The following CLVS1 variants were observed in gnomAD, a reference collection of about 807,000 sequenced individuals.
The protein encoded by CLVS1 is clavesin-1.
Under a neutral mutation model 33.1 loss-of-function variants are expected in CLVS1, and 10 were observed. The observed-to-expected ratio is 0.30, with a 90% CI of 0.19 to 0.51. CLVS1 has a LOEUF of 0.51. CLVS1 is among the 20% of genes least tolerant of loss of function. CLVS1 has a pLI of 0.97. For missense variants in CLVS1, 343 were observed against 433.4 expected, an observed-to-expected ratio of 0.79 and a Z score of 1.85; for synonymous variants, 163 against 166.1, an observed-to-expected ratio of 0.98 and a Z score of 0.14.
chr8:61,335,810 A>T (rs759837291), intron 2 of CLVS1, among the ~76,000 whole-genome samples: 2 of 152,226 alleles, frequency 1.3e-5, no homozygotes, highest in African/African-American at 4.8e-5. Context: ...AGAGTATAAA[A>T]GCTAGGGGAG....
chr8:61,215,584 C>G (rs1808065707), intron 2 of CLVS1, among the ~76,000 whole-genome samples: 1 of 151,910 alleles, frequency 6.6e-6, no homozygotes, highest in African/African-American at 2.4e-5. Flanking sequence ...TTTCATCAAT[C>G]TATAAACAGG....
chr8:61,319,394 C>G (rs1811118945), intron 2 of CLVS1, among the ~76,000 whole-genome samples: 1 of 152,152 alleles, frequency 6.6e-6, no homozygotes, highest in African/African-American at 2.4e-5. Context: ...CCCCATGGAC[C>G]TAGATGAAAG....
At chr8:61,080,838 G>A (rs1805006699) in intron 1 of CLVS1, among the ~76,000 whole-genome samples, 1 of 152,194 alleles carries the variant, frequency 6.6e-6, no homozygotes, top group Non-Finnish European at 1.5e-5. Context: ...GTTCACAAAG[G>A]AGAGAGGAAG....
intron 3 of CLVS1, among the ~76,000 whole-genome samples, chr8:61,384,819 C>T (rs181205678): frequency 5.9e-5 from 9 of 152,092 alleles, no homozygotes; most frequent in African/African-American, 1.9e-4. Flanking sequence ...GAGAAAAGAA[C>T]CCAAGTGAAG....
At chr8:61,335,073 T>TG (rs1473932831) in intron 2 of CLVS1, among the ~76,000 whole-genome samples, 1 of 152,042 alleles carries the variant, frequency 6.6e-6, no homozygotes, top group Non-Finnish European at 1.5e-5. Context: ...GTTCCTGGGT[T>TG]GGGGGCCAAG....
chr8:61,400,819 A>T (rs1369690083), intron 3 of CLVS1, among the ~76,000 whole-genome samples: 1 of 152,118 alleles, frequency 6.6e-6, no homozygotes, highest in African/African-American at 2.4e-5. Flanking sequence ...AGTTCTGTTT[A>T]TGTGATGAAT....
intron 1 of CLVS1, among the ~76,000 whole-genome samples, chr8:61,288,498 C>A (rs1809858560): frequency 6.6e-6 from 1 of 152,082 alleles, no homozygotes; most frequent in Non-Finnish European, 1.5e-5. Flanking sequence ...AGTTGACAGG[C>A]ATAGGAAGGA....
At chr8:61,338,162 C>A (rs549308517) in intron 2 of CLVS1, among the ~76,000 whole-genome samples, 11 of 152,216 alleles carry the variant, frequency 7.2e-5, no homozygotes, top group South Asian at 6.2e-4. Flanking sequence ...TATTTTGTGT[C>A]CCTACAATGC....
intron 2 of CLVS1, among the ~76,000 whole-genome samples, chr8:61,144,619 G>A (rs1358205747): frequency 6.6e-6 from 1 of 152,066 alleles, no homozygotes; most frequent in Non-Finnish European, 1.5e-5. Context: ...CTAGATCCTT[G>A]AGGAATCGCC....
chr8:61,407,667 A>G (rs1815042546), intron 3 of CLVS1, among the ~76,000 whole-genome samples: 1 of 152,256 alleles, frequency 6.6e-6, no homozygotes, highest in Non-Finnish European at 1.5e-5. Flanking sequence ...ATGTTCAATA[A>G]ATAAGTAATT....
In CLVS1 at chr8:61,372,837, T is replaced by C. The variant is rs541132883; in HGVS notation, c.456-3768T>C. ...ATGATTACTCTTGGGTTATATTTAT[T>C]TGGGAGGAAGATCATAGAGGTCAAG... On this transcript the variant is annotated intron_variant, in intron 2 of 5. Transcript: ENST00000325897. Among the ~76,000 whole-genome samples the C allele has an allele frequency of 3.3e-5, 5 of 152,332 alleles. No individual in the cohort carries two copies. In the South Asian group the frequency reaches 1.0e-3, roughly 32 times the overall value.
chr8:61,282,963 G>T (rs1361604305), upstream of CLVS1, among the ~76,000 whole-genome samples: 3 of 152,180 alleles, frequency 2.0e-5, no homozygotes, highest in Non-Finnish European at 4.4e-5. Flanking sequence ...GTGCAGCAAT[G>T]AGTGATCAAA....
At chr8:61,265,814 C>T (rs2129592435) in intron 2 of CLVS1, among the ~76,000 whole-genome samples, 1 of 152,314 alleles carries the variant, frequency 6.6e-6, no homozygotes, top group East Asian at 1.9e-4. Flanking sequence ...TCTTTCCCAT[C>T]TTATGGCTTC....
chr8:61,394,004 T>A (rs191307452), intron 3 of CLVS1, among the ~76,000 whole-genome samples: 1 of 152,304 alleles, frequency 6.6e-6, no homozygotes, highest in East Asian at 1.9e-4. Flanking sequence ...CCTGTAGTAT[T>A]GCCAATCACC....
At chr8:61,212,740 C>G (rs575115164) in intron 2 of CLVS1, among the ~76,000 whole-genome samples, 2 of 152,250 alleles carry the variant, frequency 1.3e-5, no homozygotes, top group Admixed American at 6.5e-5. Flanking sequence ...CTAGGGAAGA[C>G]AGAAGATGGG....
chr8:60,984,251 T>C, the CLVS1 span, among the ~76,000 whole-genome samples: 1 of 152,218 alleles, frequency 6.6e-6, no homozygotes. Context: ...CCTATTGTCT[T>C]TAACTGCTTG....
At chr8:61,430,388 A>C (rs1242370831) in intron 3 of CLVS1, among the ~76,000 whole-genome samples, 1 of 152,200 alleles carries the variant, frequency 6.6e-6, no homozygotes, top group Non-Finnish European at 1.5e-5. Flanking sequence ...AGCATGGAGG[A>C]CAATGGAGCA....
intron 2 of CLVS1, among the ~76,000 whole-genome samples, chr8:61,312,115 C>A (rs1810851322): frequency 3.3e-5 from 5 of 152,146 alleles, no homozygotes; most frequent in Admixed American, 3.3e-4. Flanking sequence ...GCCAGGAAAG[C>A]AAGTTTTGTC....
intron 5 of CLVS1, among the ~76,000 whole-genome samples, chr8:61,497,853 G>T (rs117587541): frequency 3.9e-5 from 6 of 152,108 alleles, no homozygotes; most frequent in Non-Finnish European, 8.8e-5. Flanking sequence ...TCATGCCTCC[G>T]CTTTTTAGAC....
Sources: allele counts gnomAD v4.1 joint callset (sites outside exome capture counted in the v4.1 genomes callset), GRCh38; gene constraint gnomAD v4.1.1; transcripts MANE v1.5; gene names NCBI Gene and HGNC (gene_info 2026-07-23, HGNC 2026-07-21).